The following CLDN2 variants were observed in gnomAD, a reference collection of about 807,000 sequenced individuals.
The protein encoded by CLDN2 is claudin 2.
Under a neutral mutation model 8.2 loss-of-function variants are expected in CLDN2, and 1 was observed. The ratio of observed to expected loss-of-function variants is 0.12; its 90% CI spans 0.04 to 0.58. The LOEUF is 0.58. Ranked by LOEUF, CLDN2 falls within the 20% of genes least tolerant of loss-of-function variation. CLDN2 has a pLI of 0.90. For synonymous variants in CLDN2, 70 were observed against 70.2 expected (o/e 1.00, Z 0.01); for missense variants, 108 against 172.9 (o/e 0.62, Z 2.11).
Position 106,911,481 on chromosome X carries a change from C to T in CLDN2, c.-179+10977C>T, listed in dbSNP as rs779454650. Among the ~76,000 whole-genome samples, 205 of 111,202 alleles carry T rather than the reference C, an allele frequency of 1.8e-3. 1 individual carries two copies. Among genetic ancestry groups the T allele is most frequent in the Non-Finnish European group, 3.6e-3 (190 of 53,020 alleles). Reference sequence around the variant, plus strand: ...ACAGTGTCCCTGCACATGACCATCTCCACCCCCCAAACCCCTGCCAAGACT... The same window carrying T: ...ACAGTGTCCCTGCACATGACCATCTTCACCCCCCAAACCCCTGCCAAGACT... On this transcript the variant is annotated intron_variant, in intron 1 of 1. Coordinates refer to the CLDN2 transcript ENST00000541806.
In CLDN2 at chrX:106,928,662, G is replaced by A. The variant is rs200980922; in HGVS notation, c.434G>A (p.Arg145Gln). 16 of 1,209,789 alleles carry A rather than the reference G, an allele frequency of 1.3e-5. No individual in the cohort carries two copies. The highest frequency in any genetic ancestry group is 4.6e-4 in the Middle Eastern group (2 of 4,353). Residue 145 changes from arginine to glutamine, a missense_variant, in exon 2 of 2, where the codon CGG becomes CAG. This residue lies in a region of CLDN2 where 81 missense variants were observed against 100.8 expected (regional missense o/e 0.80). Transcript: ENST00000336803. The stretch of plus-strand genomic sequence containing the variant: ...GCCTGGAATCTTCATGGGATCCTAC[G>A]GGACTTCTACTCACCACTGGTGCCT... ...PVAWNLHGIL[R>Q]DFYSPLVPDS...
rs1006766993 is a variant in CLDN2 at position 106,928,276 on chromosome X, G to A, written c.48G>A (p.Leu16=). The A allele has an allele frequency of 2.5e-6, 3 of 1,210,448 alleles. No homozygotes were observed. In the African/African-American group the frequency reaches 5.2e-5, roughly 21 times the overall value. ...LQLVGYILGL[L]GLLGTLVAML... ...TTGTGGGCTACATCCTAGGCCTTCT[G>A]GGGCTTTTGGGCACACTGGTTGCCA... is the stretch of plus-strand genomic sequence containing the variant. Residue 16 remains leucine (L), a synonymous_variant, in exon 2 of 2, where the codon CTG becomes CTA. Coordinates refer to ENST00000336803, the MANE Select transcript of CLDN2 (RefSeq NM_020384.4).
At chrX:106,908,454 C>T (rs1205828961) in intron 1 of CLDN2, among the ~76,000 whole-genome samples, 1 of 111,500 alleles carries the variant, frequency 9.0e-6, no homozygotes, top group Non-Finnish European at 1.9e-5. Context: ...TCAACTCTAT[C>T]TCCATCCTGC....
chrX:106,926,827 A>ACACAC (rs1933474019), intron 1 of CLDN2, among the ~76,000 whole-genome samples: 30 of 62,568 alleles, frequency 4.8e-4, no homozygotes, highest in African/African-American at 1.4e-3. Flanking sequence ...ACACACACAC[A>ACACAC]ACTAGCCAGG....
At chrX:106,923,385 G>A (rs188774022) in intron 1 of CLDN2, among the ~76,000 whole-genome samples, 303 of 112,060 alleles carry the variant, frequency 2.7e-3, no homozygotes, top group Non-Finnish European at 3.3e-3. Flanking sequence ...TGCAGGATTG[G>A]GGCAGAAGTG....
At chrX:106,915,930 C>G (rs965477560), upstream of CLDN2, among the ~76,000 whole-genome samples, 1 of 110,818 alleles carries the variant, frequency 9.0e-6, no homozygotes, top group Non-Finnish European at 1.9e-5. Context: ...CAATGGTGCA[C>G]CTACTATGTA....
chrX:106,902,241 C>T (rs1481411147), intron 1 of CLDN2: 2 of 1,129,992 alleles, frequency 1.8e-6, no homozygotes, highest in African/African-American at 1.8e-5. Context: ...GAGATCAATC[C>T]GTAGAGGAAG....
intron 1 of CLDN2, among the ~76,000 whole-genome samples, chrX:106,926,665 C>T (rs959739247): frequency 9.2e-6 from 1 of 108,989 alleles, no homozygotes; most frequent in Non-Finnish European, 1.9e-5. Flanking sequence ...GAGTTCAAGA[C>T]CAGTGTGGGC....
chrX:106,919,085 G>C (rs933556663), upstream of CLDN2, among the ~76,000 whole-genome samples: 2 of 112,223 alleles, frequency 1.8e-5, no homozygotes, highest in African/African-American at 3.2e-5. Flanking sequence ...ATAGAATGCA[G>C]TGCAGCCATG....
chrX:106,927,072 G>A (rs1490526435), intron 1 of CLDN2, among the ~76,000 whole-genome samples: 1 of 111,725 alleles, frequency 9.0e-6, no homozygotes, highest in Non-Finnish European at 1.9e-5. Context: ...GCCAAAGTGA[G>A]AACCTGTCTC....
chrX:106,901,607 G>T, intron 1 of CLDN2: 1 of 1,072,403 alleles, frequency 9.3e-7, no homozygotes, highest in Non-Finnish European at 1.3e-6. Flanking sequence ...CTGTACTAGA[G>T]GTCAGAAAGC....
rs748340523 is a variant in CLDN2 at position 106,930,547 on chromosome X, C to T, written c.*1626C>T. On this transcript the variant is annotated 3_prime_UTR_variant, in exon 2 of 2. Coordinates refer to ENST00000336803, the MANE Select transcript of CLDN2 (RefSeq NM_020384.4). ...CAGCTGCTCTCCCAACCTGGAAGGC[C>T]GTCTCCCCTTAGCCAAGTCCTCCTC... 1 of 122,490 alleles carries T rather than the reference C, an allele frequency of 8.2e-6. No individual in the cohort carries two copies. Among genetic ancestry groups the T allele is most frequent in the Admixed American group, 9.5e-5 (1 of 10,499 alleles). The allele number at this position is 122,490 out of a possible 1,213,427, so 10.1% of individuals were successfully genotyped here. A position where few individuals can be genotyped will look rare whatever the true frequency, so the allele number is the denominator to read the frequency against.
intron 1 of CLDN2, among the ~76,000 whole-genome samples, chrX:106,924,931 T>C (rs953044195): frequency 1.2e-4 from 13 of 109,470 alleles, no homozygotes; most frequent in Non-Finnish European, 2.1e-4. Flanking sequence ...TCAAACCTCT[T>C]TGCCAACTTC....
intron 1 of CLDN2, among the ~76,000 whole-genome samples, chrX:106,906,241 G>A (rs1240498254): frequency 9.0e-6 from 1 of 111,623 alleles, no homozygotes; most frequent in Non-Finnish European, 1.9e-5. Flanking sequence ...GTGCTTCTGG[G>A]TTCTGCCAGT....
rs933666615 is a variant in CLDN2 at position 106,929,121 on chromosome X, C to T, written c.*200C>T. The T allele has an allele frequency of 6.9e-6, 3 of 433,938 alleles. No homozygotes were observed. The East Asian group carries it at 1.1e-4, about 16-fold the overall frequency. 35.8% of individuals were successfully genotyped at this position (433,938 alleles called of 1,213,427 possible). A position where few individuals can be genotyped will look rare whatever the true frequency, so the allele number is the denominator to read the frequency against. On this transcript the variant is annotated 3_prime_UTR_variant, in exon 2 of 2. Coordinates refer to ENST00000336803, the MANE Select transcript of CLDN2 (RefSeq NM_020384.4). The stretch of plus-strand genomic sequence containing the variant: ...CATGCAGGTTGAATTGCCAAGGATG[C>T]TCGCCATGCCAGCCTTTCTGTTTTC...
At chrX:106,909,783 G>A (rs767615031) in intron 1 of CLDN2, among the ~76,000 whole-genome samples, 3 of 111,970 alleles carry the variant, frequency 2.7e-5, no homozygotes, top group Non-Finnish European at 5.6e-5. Context: ...GTCCCCTCTG[G>A]AGAACAGTTT....
At chrX:106,914,850 T>C (rs1336991284), upstream of CLDN2, among the ~76,000 whole-genome samples, 1 of 112,113 alleles carries the variant, frequency 8.9e-6, no homozygotes, top group African/African-American at 3.2e-5. Context: ...ATTTTTAAAT[T>C]TGCATAGATA....
exon 1 of CLDN2, chrX:106,900,266 T>C (rs1038128928): frequency 2.6e-5 from 3 of 113,460 alleles, no homozygotes; most frequent in Admixed American, 9.2e-5. Context: ...TTCCTTGGGG[T>C]GAAGCCAGAA....
At chrX:106,916,874 C>T (rs908361266), upstream of CLDN2, among the ~76,000 whole-genome samples, 44 of 111,307 alleles carry the variant, frequency 4.0e-4, no homozygotes, top group African/African-American at 1.3e-3. Context: ...ATAGTGAGAC[C>T]CCATCTCTAC....
Sources: allele counts gnomAD v4.1 joint callset (sites outside exome capture counted in the v4.1 genomes callset), GRCh38; gene constraint gnomAD v4.1.1; regional missense constraint gnomAD v4.1.1; transcripts MANE v1.5; gene names NCBI Gene and HGNC (gene_info 2026-07-23, HGNC 2026-07-21).